The following SLC24A3 variants were observed in gnomAD, a reference collection of about 807,000 sequenced individuals.
SLC24A3 encodes solute carrier family 24 member 3.
In SLC24A3, 28 loss-of-function variants were observed where a neutral mutation model predicts 75.8. That is an observed-to-expected ratio of 0.37 (90% confidence interval 0.27 to 0.51). The LOEUF (loss-of-function observed/expected upper bound fraction) is 0.51, where lower values mean the gene tolerates loss of function less well. SLC24A3 is among the 20% of genes least tolerant of loss of function. SLC24A3 has a pLI of 0.94. For missense variants in SLC24A3, 663 were observed against 847.8 expected, an observed-to-expected ratio of 0.78 and a Z score of 2.71; for synonymous variants, 372 against 334.1, an observed-to-expected ratio of 1.11 and a Z score of -1.24.
chr20:19,562,880 T>G (rs2030896694), intron 3 of SLC24A3, among the ~76,000 whole-genome samples: 1 of 152,112 alleles, frequency 6.6e-6, no homozygotes, highest in East Asian at 1.9e-4. Flanking sequence ...TGGGATTAGG[T>G]CAGTTCTGGC....
chr20:19,269,995 A>G (rs1983278003), intron 1 of SLC24A3, among the ~76,000 whole-genome samples: 1 of 152,136 alleles, frequency 6.6e-6, no homozygotes, highest in African/African-American at 2.4e-5. Flanking sequence ...CTTCGCTTCC[A>G]TTCCTACGAT....
At chr20:19,312,193 G>T (rs556034446) in intron 2 of SLC24A3, among the ~76,000 whole-genome samples, 1 of 152,264 alleles carries the variant, frequency 6.6e-6, no homozygotes, top group South Asian at 2.1e-4. Flanking sequence ...GAGTTCTTCA[G>T]GGGTGTAAGA....
At chr20:19,416,060 T>G (rs886442613) in intron 2 of SLC24A3, among the ~76,000 whole-genome samples, 1 of 152,212 alleles carries the variant, frequency 6.6e-6, no homozygotes, top group Non-Finnish European at 1.5e-5. Flanking sequence ...CTCAGTTTTC[T>G]CATTTGTAAA....
At position 19,474,042 on chromosome 20, in the gene SLC24A3, A is replaced by G. The variant is rs149013316; in HGVS notation, c.272-41446A>G. Among the ~76,000 whole-genome samples the G allele has an allele frequency of 3.0e-3, 456 of 152,314 alleles. 2 individuals are homozygous for G. The highest frequency in any genetic ancestry group is 0.01 in the African/African-American group (435 of 41,554). ...CAACTTAATTAAACTGTCGGAGGAG[A>G]TGTTCTACTTGTCTTACTCAACACG... On this transcript the variant is annotated intron_variant, in intron 2 of 16. Coordinates refer to ENST00000328041, the MANE Select transcript of SLC24A3 (RefSeq NM_020689.4).
At chr20:19,508,728 TG>T (rs1050480636) in intron 2 of SLC24A3, among the ~76,000 whole-genome samples, 24 of 152,086 alleles carry the variant, frequency 1.6e-4, no homozygotes, top group Non-Finnish European at 7.4e-5. Flanking sequence ...AAAGGAAAAT[TG>T]GGGGATGAAA....
chr20:19,427,666 C>T (rs141996738), intron 2 of SLC24A3, among the ~76,000 whole-genome samples: 250 of 152,280 alleles, frequency 1.6e-3, no homozygotes, highest in African/African-American at 5.7e-3. Flanking sequence ...TTACAGGCCC[C>T]GCCCTCCGAC....
intron 2 of SLC24A3, among the ~76,000 whole-genome samples, chr20:19,349,857 A>G (rs1985525647): frequency 6.6e-6 from 1 of 152,114 alleles, no homozygotes; most frequent in South Asian, 2.1e-4. Context: ...TTTGGTTTTT[A>G]TCATCCTTTG....
chr20:19,317,976 A>G (rs1306672264), intron 2 of SLC24A3, among the ~76,000 whole-genome samples: 2 of 152,194 alleles, frequency 1.3e-5, no homozygotes, highest in Non-Finnish European at 2.9e-5. Flanking sequence ...CCTTTGCCCA[A>G]AGGCTTTCTT....
intron 3 of SLC24A3, among the ~76,000 whole-genome samples, chr20:19,530,728 C>T (rs1416684890): frequency 1.3e-5 from 2 of 152,202 alleles, no homozygotes. Context: ...GCAACCACTT[C>T]TGATGAGCCT....
At chr20:19,649,659 A>G (rs2032178867) in intron 6 of SLC24A3, among the ~76,000 whole-genome samples, 1 of 152,066 alleles carries the variant, frequency 6.6e-6, no homozygotes, top group East Asian at 1.9e-4. Flanking sequence ...AATTTCTATT[A>G]TACCTGTTCT....
chr20:19,709,720 A>G (rs1342346002), intron 15 of SLC24A3, among the ~76,000 whole-genome samples: 2 of 152,192 alleles, frequency 1.3e-5, no homozygotes, highest in African/African-American at 2.4e-5. Flanking sequence ...TGTGCCTGGC[A>G]GAGTACAACA....
chr20:19,422,814 A>C (rs1300848777), intron 2 of SLC24A3, among the ~76,000 whole-genome samples: 1 of 152,178 alleles, frequency 6.6e-6, no homozygotes, highest in African/African-American at 2.4e-5. Flanking sequence ...CTCTTTACAA[A>C]ACCCCACCCA....
intron 3 of SLC24A3, among the ~76,000 whole-genome samples, chr20:19,557,351 TCAC>T (rs2030804914): frequency 6.6e-6 from 1 of 152,176 alleles, no homozygotes; most frequent in Non-Finnish European, 1.5e-5. Flanking sequence ...AACTTTGACA[TCAC>T]AGGGGTAGCC....
intron 6 of SLC24A3, among the ~76,000 whole-genome samples, chr20:19,645,480 G>A (rs1164263336): frequency 2.0e-5 from 3 of 152,148 alleles, no homozygotes; most frequent in African/African-American, 7.2e-5. Flanking sequence ...CAGAAAGAGA[G>A]TAGTATATGG....
At chr20:19,519,562 A>G (rs2030063670) in intron 3 of SLC24A3, among the ~76,000 whole-genome samples, 1 of 152,234 alleles carries the variant, frequency 6.6e-6, no homozygotes, top group African/African-American at 2.4e-5. Context: ...GGGGAAATCC[A>G]TGATCTTGAC....
chr20:19,511,055 C>T (rs547127981), intron 2 of SLC24A3, among the ~76,000 whole-genome samples: 1 of 152,178 alleles, frequency 6.6e-6, no homozygotes, highest in Non-Finnish European at 1.5e-5. Context: ...CGGAGCCCCC[C>T]ACCCTGCTGC....
intron 1 of SLC24A3, among the ~76,000 whole-genome samples, chr20:19,249,650 A>G (rs1162569356): frequency 2.6e-5 from 4 of 152,180 alleles, no homozygotes; most frequent in Admixed American, 6.5e-5. Flanking sequence ...GCTGGGAGAC[A>G]GGAAGGCAAC....
At chr20:19,423,485 C>A (rs1986950600) in intron 2 of SLC24A3, among the ~76,000 whole-genome samples, 1 of 152,152 alleles carries the variant, frequency 6.6e-6, no homozygotes, top group Admixed American at 6.5e-5. Context: ...TAAGCAGGAG[C>A]CCCCGGGAGG....
intron 2 of SLC24A3, among the ~76,000 whole-genome samples, chr20:19,464,828 C>G (rs1321265571): frequency 6.6e-6 from 1 of 152,186 alleles, no homozygotes; most frequent in Admixed American, 6.5e-5. Flanking sequence ...CCCCAGAGTA[C>G]GATCATGGGT....
Sources: gnomAD v4.1 joint callset for allele counts (sites outside exome capture counted in the v4.1 genomes callset) on GRCh38, gnomAD v4.1.1 for gene constraint, MANE v1.5 for transcripts, NCBI Gene and HGNC (gene_info 2026-07-23, HGNC 2026-07-21) for gene names.